MNAT1: variants seen among roughly 807,000 people sequenced by gnomAD.
The protein encoded by MNAT1 is MNAT1 component of CDK activating kinase.
MNAT1 carries 43 observed loss-of-function variants against 42.0 expected under a neutral mutation model. That is an observed-to-expected ratio of 1.02 (90% CI 0.80 to 1.32). The LOEUF (loss-of-function observed/expected upper bound fraction) is 1.32, where lower values mean the gene tolerates loss of function less well. MNAT1 is among the 40% of genes most tolerant of loss of function. MNAT1 has a pLI of 0.00. For synonymous variants in MNAT1, 118 were observed against 120.0 expected (o/e 0.98, Z 0.11); for missense variants, 306 against 350.4 (o/e 0.87, Z 1.01).
At chr14:60,785,634 T>C (rs1204889171) in intron 1 of MNAT1, among the ~76,000 whole-genome samples, 3 of 152,200 alleles carry the variant, frequency 2.0e-5, no homozygotes, top group African/African-American at 7.2e-5. Context: ...GTTGTTGAGG[T>C]AGGAGATGAT....
At chr14:60,848,265 C>G (rs1458361114) in intron 6 of MNAT1, among the ~76,000 whole-genome samples, 2 of 152,150 alleles carry the variant, frequency 1.3e-5, no homozygotes, top group Non-Finnish European at 2.9e-5. Context: ...GATGCTAAGT[C>G]AGCTGTTAGT....
intron 1 of MNAT1, among the ~76,000 whole-genome samples, chr14:60,742,477 A>G (rs570911191): frequency 1.3e-5 from 2 of 152,338 alleles, no homozygotes; most frequent in East Asian, 3.9e-4. Flanking sequence ...TGCTTTAAAC[A>G]GTCAGTTGTC....
intron 6 of MNAT1, among the ~76,000 whole-genome samples, chr14:60,852,207 CTT>C (rs1337376463): frequency 6.6e-6 from 1 of 152,116 alleles, no homozygotes. Context: ...TGTTTCCTGA[CTT>C]TTTAATGATT....
chr14:60,799,190 T>C (rs2032120730), intron 3 of MNAT1: 1 of 939,176 alleles, frequency 1.1e-6, no homozygotes, highest in South Asian at 4.9e-5. Flanking sequence ...CTCTGGGATC[T>C]TTCAGTGCCA....
intron 1 of MNAT1, chr14:60,780,743 C>T (rs2031428541): frequency 1.8e-5 from 10 of 568,142 alleles, no homozygotes; most frequent in South Asian, 5.6e-5. Flanking sequence ...TGTAATTGTT[C>T]CTTTTGTTTT....
At chr14:60,911,901 G>A (rs2035376181) in intron 7 of MNAT1, among the ~76,000 whole-genome samples, 1 of 152,052 alleles carries the variant, frequency 6.6e-6, no homozygotes, top group South Asian at 2.1e-4. Context: ...TCGTTGATCT[G>A]TCTAATGTTG....
intron 7 of MNAT1, among the ~76,000 whole-genome samples, chr14:60,881,309 C>T (rs571935900): frequency 2.7e-4 from 41 of 152,154 alleles, no homozygotes; most frequent in South Asian, 1.2e-3. Flanking sequence ...CTCAGCCTCC[C>T]GAGTAGCTGA....
chr14:60,956,887 G>A (rs2036496810), intron 7 of MNAT1, among the ~76,000 whole-genome samples: 1 of 152,106 alleles, frequency 6.6e-6, no homozygotes, highest in African/African-American at 2.4e-5. Context: ...TAAATGTGAA[G>A]TGAGTCTCTT....
chr14:60,739,225 G>A (rs565343126), intron 1 of MNAT1, among the ~76,000 whole-genome samples: 1 of 152,262 alleles, frequency 6.6e-6, no homozygotes, highest in Admixed American at 6.5e-5. Flanking sequence ...GGAACTGGAA[G>A]CTGTAGAGCC....
intron 7 of MNAT1, among the ~76,000 whole-genome samples, chr14:60,939,045 G>A (rs958242683): frequency 6.6e-6 from 1 of 152,070 alleles, no homozygotes; most frequent in Non-Finnish European, 1.5e-5. Flanking sequence ...ATTCTCTGAT[G>A]GTAGTTTGTA....
At chr14:60,935,211 A>G (rs2035967937) in intron 7 of MNAT1, among the ~76,000 whole-genome samples, 1 of 152,026 alleles carries the variant, frequency 6.6e-6, no homozygotes, top group Non-Finnish European at 1.5e-5. Context: ...CATTTGTGTT[A>G]CGTAGATAGG....
At chr14:60,761,049 A>G (rs946819475) in intron 1 of MNAT1, among the ~76,000 whole-genome samples, 1 of 152,220 alleles carries the variant, frequency 6.6e-6, no homozygotes, top group Non-Finnish European at 1.5e-5. Flanking sequence ...CTAGACGCTT[A>G]TGAATAACTC....
At chr14:60,781,109 G>A (rs953065774) in intron 1 of MNAT1, among the ~76,000 whole-genome samples, 9 of 152,042 alleles carry the variant, frequency 5.9e-5, no homozygotes, top group Admixed American at 1.3e-4. Flanking sequence ...TTTCCCTATC[G>A]AATCAGTTTC....
At chr14:60,889,558 A>G (rs909783240) in intron 7 of MNAT1, among the ~76,000 whole-genome samples, 4 of 152,246 alleles carry the variant, frequency 2.6e-5, no homozygotes, top group Non-Finnish European at 4.4e-5. Flanking sequence ...CTTCATGTCT[A>G]AAACACCAAA....
intron 7 of MNAT1, among the ~76,000 whole-genome samples, chr14:60,889,135 T>A (rs959712470): frequency 6.6e-6 from 1 of 152,148 alleles, no homozygotes; most frequent in Non-Finnish European, 1.5e-5. Context: ...AGAGCCCGCA[T>A]CGCTGAGTCA....
intron 1 of MNAT1, among the ~76,000 whole-genome samples, chr14:60,769,290 T>C (rs4151168): frequency 0.25 from 37,545 of 152,004 alleles, 5,019 homozygotes; most frequent in Middle Eastern, 0.34. Flanking sequence ...TTTTAAAAAA[T>C]TTGAAACAGG....
At chr14:60,919,189 G>C (rs1470760704) in intron 7 of MNAT1, 1 of 152,192 alleles carries the variant, frequency 6.6e-6, no homozygotes, top group Non-Finnish European at 1.5e-5. Flanking sequence ...AGGAACCCTG[G>C]AGGCTCCCTG....
intron 6 of MNAT1, among the ~76,000 whole-genome samples, chr14:60,870,841 A>G (rs1566803904): frequency 6.6e-6 from 1 of 152,152 alleles, no homozygotes; most frequent in Non-Finnish European, 1.5e-5. Flanking sequence ...CAGTAATCCA[A>G]TTTTAGGATG....
intron 6 of MNAT1, among the ~76,000 whole-genome samples, chr14:60,833,076 G>A (rs923078561): frequency 6.6e-6 from 1 of 152,034 alleles, no homozygotes; most frequent in Non-Finnish European, 1.5e-5. Context: ...GGAGTTTTTG[G>A]GCTGAGATGA....
Sources: allele counts gnomAD v4.1 joint callset (sites outside exome capture counted in the v4.1 genomes callset), GRCh38; gene constraint gnomAD v4.1.1; transcripts MANE v1.5; gene names NCBI Gene and HGNC (gene_info 2026-07-23, HGNC 2026-07-21).